Variants in STX16 observed in about 807,000 individuals in gnomAD.
The protein encoded by STX16 is syntaxin 16.
Under a neutral mutation model 42.7 loss-of-function variants are expected in STX16, and 28 were observed. The observed-to-expected ratio is 0.66, with a 90% CI of 0.49 to 0.90. The LOEUF is 0.90. STX16 is among the 40% of genes least tolerant of loss of function. The pLI, the probability that STX16 is intolerant of heterozygous loss-of-function variation, is 0.00. For synonymous variants in STX16, 156 were observed against 155.2 expected (o/e 1.00, Z -0.04); for missense variants, 361 against 420.9 (o/e 0.86, Z 1.24).
intron 7 of STX16, among the ~76,000 whole-genome samples, chr20:58,672,973 G>A (rs549654187): frequency 6.6e-6 from 1 of 152,328 alleles, no homozygotes; most frequent in Admixed American, 6.5e-5. Flanking sequence ...GTGGTTCCCA[G>A]TGAACTGCTA....
chr20:58,652,173 C>T (rs912287853), intron 1 of STX16, 35 bp downstream of exon 1: 1 of 1,611,526 alleles, frequency 6.2e-7, no homozygotes, highest in East Asian at 2.2e-5. Flanking sequence ...ACACACGGAC[C>T]GTGTGCACTG....
At chr20:58,652,216 T>C in intron 1 of STX16, 78 bp downstream of exon 1, 1 of 1,582,138 alleles carries the variant, frequency 6.3e-7, no homozygotes, top group East Asian at 2.2e-5. Flanking sequence ...TCTGTCTGTC[T>C]CTCTGTTTAA....
intron 1 of STX16, among the ~76,000 whole-genome samples, chr20:58,659,346 T>G (rs573218137): frequency 6.6e-6 from 1 of 152,342 alleles, no homozygotes; most frequent in East Asian, 1.9e-4. Context: ...CTGTTTCCAG[T>G]GTATTTTAAT....
chr20:58,653,296 A>G (rs777164438), intron 1 of STX16, among the ~76,000 whole-genome samples: 1 of 152,174 alleles, frequency 6.6e-6, no homozygotes, highest in Non-Finnish European at 1.5e-5. Flanking sequence ...GCTTCAGGAA[A>G]ATTTTGCCAT....
At chr20:58,659,458 AAGG>A (rs1343339878) in intron 1 of STX16, among the ~76,000 whole-genome samples, 162 bp from the exon 2 acceptor site, 3 of 135,616 alleles carry the variant, frequency 2.2e-5, no homozygotes, top group Non-Finnish European at 3.5e-5. Flanking sequence ...AAAAAAAAAA[AAGG>A]AGATTTTAAA....
Position 58,662,511 on chromosome 20 carries a change from AT to A in STX16, c.144+2880del, listed in dbSNP as rs372802719. ...TTTTTATCTCTATATTTTTTGTATC[AT>A]TTATTTTTATTTTTTTGAGACAGAG... On this transcript the variant is annotated intron_variant, in intron 2 of 8. Coordinates refer to ENST00000371141, the MANE Select transcript of STX16 (RefSeq NM_001001433.3). Among the ~76,000 whole-genome samples the A allele has an allele frequency of 6.7e-4, 102 of 152,126 alleles. 2 individuals are homozygous for A. In the South Asian group the frequency reaches 0.019, roughly 28 times the overall value.
chr20:58,654,911 C>T (rs777298474), intron 1 of STX16, among the ~76,000 whole-genome samples: 25 of 152,016 alleles, frequency 1.6e-4, no homozygotes, highest in South Asian at 2.1e-4. Flanking sequence ...AGTATGTGTG[C>T]GACATTTTAC....
At chr20:58,668,178 A>G (rs778730646) in intron 4 of STX16, 51 bp downstream of exon 4, 2 of 1,604,870 alleles carry the variant, frequency 1.2e-6, no homozygotes, top group Non-Finnish European at 1.7e-6. Flanking sequence ...TCTCATGGCA[A>G]TCTCAGAAAC....
chr20:58,669,467 G>C lies in STX16; in HGVS notation c.556+14G>C, dbSNP rs558561838. 1.3e-6 allele frequency: 2 copies of C among 1,589,122 alleles called. No individual in the cohort carries two copies. The highest frequency in any genetic ancestry group is 2.2e-5 in the East Asian group (1 of 44,634). ...GCTACCTCAAACGTGAGTGCTGCCCGGGCCTAGTGAAGGGATTTTGAGTAA... is the reference window on the plus strand; with the variant it reads ...GCTACCTCAAACGTGAGTGCTGCCCCGGCCTAGTGAAGGGATTTTGAGTAA... On this transcript the variant is annotated intron_variant, in intron 5 of 8. Transcript: ENST00000371141.
Position 58,657,109 on chromosome 20 carries a change from A to G in STX16, c.133-2514A>G, listed in dbSNP as rs1410131896. ...CAGATCCTGGAAAATGGAAGGACCT[A>G]TTGTTTTAAAACAATTTTTTTTCTT... On this transcript the variant is annotated intron_variant, in intron 1 of 8. Coordinates refer to ENST00000371141, the MANE Select transcript of STX16 (RefSeq NM_001001433.3). The surrounding 1 kb of genome is among the most constrained non-coding windows in gnomAD (Gnocchi z 4.2). 1.3e-5 allele frequency among the ~76,000 whole-genome samples: 2 copies of G among 152,200 alleles called. No homozygotes were observed. The highest frequency in any genetic ancestry group is 1.5e-5 in the Non-Finnish European group (1 of 68,036).
rs147330346 is a variant in STX16 at position 58,671,218 on chromosome 20, G to A, written c.713G>A (p.Arg238Gln). The A allele has an allele frequency of 6.2e-6, 10 of 1,613,952 alleles. No individual in the cohort carries two copies. Among genetic ancestry groups the A allele is most frequent in the East Asian group, 4.5e-5 (2 of 44,884 alleles). ...ACACTGATGGTGGAAGAGCGGGAAC[G>A]AGAGATTCGCCAGATTGTACAGTCC... ...QNTLMVEERE[R>Q]EIRQIVQSIS... is the part of the protein sequence containing the mutation. The change falls in exon 7 of 9, where the codon CGA becomes CAA. Residue 238 changes from arginine (R) to glutamine (Q), a missense_variant. Transcript: ENST00000371141.
At chr20:58,671,437 G>T (rs6100160) in intron 7 of STX16, 140 bp downstream of exon 7, 56,029 of 221,776 alleles carry the variant, frequency 0.25, 8,404 homozygotes, top group South Asian at 0.36. Flanking sequence ...TGTGTGTGTG[G>T]GTGTGTGTGT....
In STX16 at chr20:58,657,531, G is replaced by A. The variant is rs1029769525; in HGVS notation, c.133-2092G>A. Among the ~76,000 whole-genome samples the A allele has an allele frequency of 6.6e-6, 1 of 152,120 alleles. No homozygotes were observed. Among genetic ancestry groups the A allele is most frequent in the African/African-American group, 2.4e-5 (1 of 41,432 alleles). ...CTTATTTTTCAGTTTTATGTAGAAA[G>A]TTCTTTAGACTATAAATTCCACATG... On this transcript the variant is annotated intron_variant, in intron 1 of 8. Transcript: ENST00000371141. This position sits in a 1 kb window ranked among gnomAD's most constrained non-coding sequence, Gnocchi z 4.2.
intron 7 of STX16, among the ~76,000 whole-genome samples, chr20:58,673,347 G>A (rs1337731493): frequency 1.3e-5 from 2 of 152,142 alleles, no homozygotes; most frequent in African/African-American, 2.4e-5. Flanking sequence ...CAGGAAGTCC[G>A]AATATGGCAT....
At position 58,669,378 on chromosome 20, in the gene STX16, G is replaced by A. The variant is rs560224502; in HGVS notation, c.481G>A (p.Val161Met). The A allele has an allele frequency of 1.2e-5, 19 of 1,612,202 alleles. No individual in the cohort carries two copies. The highest frequency in any genetic ancestry group is 2.2e-5 in the East Asian group (1 of 44,816). The change falls in exon 5 of 9, where the codon GTG (valine) becomes ATG (methionine). Residue 161 changes from valine to methionine, a missense_variant. Physicochemically the swap from Val to Met is conservative, Grantham distance 21 (BLOSUM62 1). Coordinates refer to ENST00000371141, the MANE Select transcript of STX16 (RefSeq NM_001001433.3). ...SEQEGRLLGN[V>M]VASLAQALQE... ...GCAGGAGGGGCGGCTGCTTGGGAACGTGGTGGCCTCGCTGGCGCAGGCCCT... is the reference window on the plus strand; with the variant it reads ...GCAGGAGGGGCGGCTGCTTGGGAACATGGTGGCCTCGCTGGCGCAGGCCCT...
intron 1 of STX16, among the ~76,000 whole-genome samples, chr20:58,655,496 A>G (rs914353185): frequency 1.3e-5 from 2 of 152,194 alleles, no homozygotes; most frequent in African/African-American, 2.4e-5. Flanking sequence ...GATAAACACA[A>G]AGCCTCAAGG....
Position 58,667,297 on chromosome 20 carries a change from C to G in STX16, c.145-193C>G, listed in dbSNP as rs1009490946. On this transcript the variant is annotated intron_variant, in intron 2 of 8. Coordinates refer to ENST00000371141, the MANE Select transcript of STX16 (RefSeq NM_001001433.3). ...AAACAATCCAAATCCTAGCAGTTAT[C>G]AAAAGCAAGTTTATAATACAGGCAA... 18 of 679,722 alleles carry G rather than the reference C, an allele frequency of 2.6e-5. No homozygotes were observed. In the Admixed American group the frequency reaches 3.7e-4, roughly 14 times the overall value. 42.1% of individuals were successfully genotyped at this position (679,722 alleles called of 1,614,324 possible). A position where few individuals can be genotyped will look rare whatever the true frequency, so the allele number is the denominator to read the frequency against.
In STX16 at chr20:58,677,832, C is replaced by T. The variant is rs960177780; in HGVS notation, c.*1541C>T. The T allele has an allele frequency of 2.6e-5, 4 of 152,218 alleles. No individual in the cohort carries two copies. Among genetic ancestry groups the T allele is most frequent in the Non-Finnish European group, 5.9e-5 (4 of 68,062 alleles). The allele number at this position is 152,218 out of a possible 1,614,324, so 9.4% of individuals were successfully genotyped here. The stretch of plus-strand genomic sequence containing the variant: ...GCTTAGTGTCCAAACCCCTGCCCAG[C>T]CTTCCCTTTCCAAGTTGGTGCCACC... On this transcript the variant is annotated 3_prime_UTR_variant, in exon 9 of 9. Coordinates refer to ENST00000371141, the MANE Select transcript of STX16 (RefSeq NM_001001433.3).
intron 1 of STX16, 150 bp downstream of exon 1, chr20:58,652,288 C>T: frequency 8.7e-7 from 1 of 1,144,334 alleles, no homozygotes; most frequent in Non-Finnish European, 1.3e-6. Flanking sequence ...AGTCAGGGGG[C>T]ATCTGTAGCC....
Sources: allele counts gnomAD v4.1 joint callset (sites outside exome capture counted in the v4.1 genomes callset), GRCh38; gene constraint gnomAD v4.1.1; non-coding constraint Gnocchi (gnomAD v3.1); transcripts MANE v1.5; gene names NCBI Gene and HGNC (gene_info 2026-07-23, HGNC 2026-07-21).